The following SORCS2 variants were observed in gnomAD, a reference collection of about 807,000 sequenced individuals.
The protein encoded by SORCS2 is VPS10 domain-containing receptor SorCS2.
In SORCS2, 100 loss-of-function variants were observed where a neutral mutation model predicts 141.6. That is an observed-to-expected ratio of 0.71 (90% CI 0.60 to 0.83). SORCS2 has a LOEUF of 0.83. SORCS2 is among the 40% of genes least tolerant of loss of function. SORCS2 has a pLI of 0.00. For missense variants in SORCS2, 1,646 were observed against 1,560.2 expected (o/e 1.05, Z -0.93); for synonymous variants, 789 against 676.9 (o/e 1.17, Z -2.57).
chr4:7,690,402 TGATG>T lies in SORCS2; in HGVS notation c.1591+823_1591+826del, dbSNP rs141599080. Reference sequence around the variant, plus strand: ...GATGAATGATGGATAGATGCTGAATTGATGGATGGATGATGGTGGGTGTGTGGGT... The same window carrying T: ...GATGAATGATGGATAGATGCTGAATTGATGGATGATGGTGGGTGTGTGGGT... On this transcript the variant is annotated intron_variant, in intron 11 of 26. Transcript: ENST00000507866. Among the ~76,000 whole-genome samples the T allele has an allele frequency of 4.0e-3, 563 of 141,396 alleles. 4 individuals carry two copies. The highest frequency in any genetic ancestry group is 0.014 in the African/African-American group (534 of 37,044). 92.8% of individuals were successfully genotyped at this position (141,396 alleles called of 152,430 possible). A position where few individuals can be genotyped will look rare whatever the true frequency, so the allele number is the denominator to read the frequency against.
chr4:7,427,060 C>T (rs111906914), intron 2 of SORCS2, among the ~76,000 whole-genome samples: 38 of 152,196 alleles, frequency 2.5e-4, no homozygotes, highest in African/African-American at 8.9e-4. Flanking sequence ...TGAGCCCTCG[C>T]CTGCCTTGGG....
intron 3 of SORCS2, among the ~76,000 whole-genome samples, chr4:7,555,472 C>T (rs114306107): frequency 0.028 from 4,311 of 152,318 alleles, 81 homozygotes; most frequent in Middle Eastern, 0.051. Context: ...ATCTGAGACA[C>T]AGCCCAGGCT....
At chr4:7,661,323 G>T (rs1722148821) in intron 5 of SORCS2, among the ~76,000 whole-genome samples, 177 bp from the exon 6 acceptor site, 1 of 151,928 alleles carries the variant, frequency 6.6e-6, no homozygotes, top group Non-Finnish European at 1.5e-5. Context: ...AAAACGCAGA[G>T]ACTCCAAGCA....
At chr4:7,267,350 A>C (rs1714813547) in intron 1 of SORCS2, among the ~76,000 whole-genome samples, 1 of 151,760 alleles carries the variant, frequency 6.6e-6, no homozygotes, top group African/African-American at 2.4e-5. Context: ...TCCTGGAGAA[A>C]CCCCCGTGGT....
At chr4:7,481,541 G>A (rs1295620610) in intron 2 of SORCS2, among the ~76,000 whole-genome samples, 1 of 152,136 alleles carries the variant, frequency 6.6e-6, no homozygotes, top group African/African-American at 2.4e-5. Flanking sequence ...GAGAGGTCGG[G>A]GGAGCCGAGA....
intron 2 of SORCS2, among the ~76,000 whole-genome samples, chr4:7,468,280 G>A (rs930763150): frequency 1.3e-5 from 2 of 152,198 alleles, no homozygotes; most frequent in African/African-American, 4.8e-5. Context: ...ACATCGTCAT[G>A]GGTCGCAACC....
intron 1 of SORCS2, among the ~76,000 whole-genome samples, chr4:7,245,209 C>T (rs1420450622): frequency 6.6e-6 from 1 of 152,196 alleles, no homozygotes; most frequent in African/African-American, 2.4e-5. Flanking sequence ...CTACCCTCCC[C>T]AGCTGGTTAC....
At chr4:7,334,157 A>T (rs1469143114) in intron 1 of SORCS2, among the ~76,000 whole-genome samples, 3 of 152,046 alleles carry the variant, frequency 2.0e-5, no homozygotes, top group Admixed American at 1.3e-4. Flanking sequence ...TCCAGGGTGC[A>T]GAGTTTAAGA....
chr4:7,377,401 G>T (rs1313928248), intron 1 of SORCS2, among the ~76,000 whole-genome samples: 2 of 152,128 alleles, frequency 1.3e-5, no homozygotes, highest in East Asian at 3.9e-4. Context: ...GATTCCGGTG[G>T]AAGGGAACAC....
intron 1 of SORCS2, among the ~76,000 whole-genome samples, chr4:7,267,450 T>G (rs1056060780): frequency 1.3e-5 from 2 of 152,030 alleles, no homozygotes; most frequent in Non-Finnish European, 2.9e-5. Context: ...GGGCGAGGTC[T>G]CTGCAGATCT....
intron 1 of SORCS2, among the ~76,000 whole-genome samples, chr4:7,376,331 C>T (rs1414578935): frequency 6.6e-6 from 1 of 151,202 alleles, no homozygotes; most frequent in East Asian, 1.9e-4. Context: ...AATCCCAGCA[C>T]TTTGGGAAGC....
At chr4:7,536,120 C>T (rs1305635164) in intron 3 of SORCS2, among the ~76,000 whole-genome samples, 1 of 152,172 alleles carries the variant, frequency 6.6e-6, no homozygotes, top group Non-Finnish European at 1.5e-5. Flanking sequence ...GGCCAGAGAG[C>T]ACGTGGACTC....
intron 2 of SORCS2, among the ~76,000 whole-genome samples, chr4:7,494,519 G>GAGAC (rs1006725909): frequency 1.3e-5 from 2 of 151,398 alleles, no homozygotes; most frequent in Non-Finnish European, 2.9e-5. Context: ...ATGGTGTAGA[G>GAGAC]AGAGAGAGAA....
At chr4:7,433,468 C>T in intron 2 of SORCS2, 1 of 1,568,858 alleles carries the variant, frequency 6.4e-7, no homozygotes, top group Non-Finnish European at 8.6e-7. Context: ...GGTCCTGGGG[C>T]CGTGGCAGGC....
intron 2 of SORCS2, among the ~76,000 whole-genome samples, chr4:7,477,747 A>G (rs1196358772): frequency 6.6e-6 from 1 of 152,168 alleles, no homozygotes; most frequent in Non-Finnish European, 1.5e-5. Flanking sequence ...GCCGGAGAGA[A>G]AATGTGTGTA....
intron 14 of SORCS2, among the ~76,000 whole-genome samples, chr4:7,712,013 A>G (rs912682707): frequency 6.6e-5 from 10 of 152,062 alleles, no homozygotes; most frequent in Admixed American, 5.2e-4. Flanking sequence ...CAGCCCATGG[A>G]GTCCAGTGTG....
chr4:7,673,705 A>G (rs1267914781), intron 8 of SORCS2, among the ~76,000 whole-genome samples: 1 of 152,180 alleles, frequency 6.6e-6, no homozygotes, highest in Non-Finnish European at 1.5e-5. Context: ...ACATTTACCC[A>G]ATGCATTTAC....
At chr4:7,366,771 A>T (rs1335014328) in intron 1 of SORCS2, among the ~76,000 whole-genome samples, 1 of 150,534 alleles carries the variant, frequency 6.6e-6, no homozygotes, top group Non-Finnish European at 1.5e-5. Flanking sequence ...TACCCCCCCA[A>T]CCCCCAACAG....
chr4:7,664,483 T>C lies in SORCS2; in HGVS notation c.1071+12T>C. 6.4e-7 allele frequency: 1 copy of C among 1,571,368 alleles called. No individual in the cohort carries two copies. The highest frequency in any genetic ancestry group is 8.7e-7 in the Non-Finnish European group (1 of 1,153,780). On this transcript the variant is annotated intron_variant, in intron 7 of 26. Transcript: ENST00000507866. The surrounding 1 kb of genome is among the most constrained non-coding windows in gnomAD (Gnocchi z 4.7). ...ACATCTTCTTTAAGGTAAGGTTGCT[T>C]CTGGGGCTTTTGGAAATTGGCAACA...
Sources: gnomAD v4.1 joint callset for allele counts (sites outside exome capture counted in the v4.1 genomes callset) on GRCh38, gnomAD v4.1.1 for gene constraint, Gnocchi (gnomAD v3.1) non-coding constraint, MANE v1.5 for transcripts, NCBI Gene and HGNC (gene_info 2026-07-23, HGNC 2026-07-21) for gene names.